Variants in DYM observed in about 807,000 individuals in gnomAD.
The protein encoded by DYM is dyggve-Melchior-Clausen syndrome protein.
Under a neutral mutation model 93.1 loss-of-function variants are expected in DYM, and 78 were observed. The observed-to-expected ratio is 0.84, with a 90% CI of 0.70 to 1.01. DYM has a LOEUF of 1.01. Ranked by LOEUF, DYM falls within the 50% of genes least tolerant of loss-of-function variation. DYM has a pLI of 0.00. For synonymous variants in DYM, 321 were observed against 319.7 expected, an observed-to-expected ratio of 1.00 and a Z score of -0.04; for missense variants, 789 against 845.0, an observed-to-expected ratio of 0.93 and a Z score of 0.82.
chr18:49,317,345 G>C (rs2062008344), intron 8 of DYM, among the ~76,000 whole-genome samples: 1 of 152,150 alleles, frequency 6.6e-6, no homozygotes, highest in Non-Finnish European at 1.5e-5. Flanking sequence ...AGTTAGCAGT[G>C]AATGTGGTGA....
At chr18:49,149,620 G>A (rs2085576445) in intron 15 of DYM, among the ~76,000 whole-genome samples, 1 of 151,746 alleles carries the variant, frequency 6.6e-6, no homozygotes, top group Non-Finnish European at 1.5e-5. Context: ...ACTGGGCAGA[G>A]GACAGTGCCC....
intron 17 of DYM, among the ~76,000 whole-genome samples, chr18:49,051,775 C>T (rs1032237219): frequency 2.0e-5 from 3 of 152,206 alleles, no homozygotes; most frequent in Non-Finnish European, 2.9e-5. Context: ...TGCCCCCGTC[C>T]GTGCTGGCTA....
chr18:49,110,549 G>A, intron 16 of DYM, among the ~76,000 whole-genome samples: 1 of 151,808 alleles, frequency 6.6e-6, no homozygotes, highest in East Asian at 1.9e-4. Flanking sequence ...TGCCTAGCTA[G>A]GTTCTGCCAA....
intron 6 of DYM, among the ~76,000 whole-genome samples, chr18:49,356,286 G>GT (rs2065556995): frequency 3.9e-5 from 6 of 152,066 alleles, no homozygotes; most frequent in South Asian, 2.1e-4. Flanking sequence ...AACAATCTTG[G>GT]TTTTTTACCA....
chr18:49,172,588 A>C (rs932012100), intron 14 of DYM, among the ~76,000 whole-genome samples: 2 of 152,122 alleles, frequency 1.3e-5, no homozygotes, highest in African/African-American at 4.8e-5. Flanking sequence ...CCCATTTAAA[A>C]CAATGGGTTG....
chr18:49,220,747 A>T (rs2144042517), intron 13 of DYM, among the ~76,000 whole-genome samples: 1 of 152,350 alleles, frequency 6.6e-6, no homozygotes, highest in Middle Eastern at 3.4e-3. Flanking sequence ...CTTATACAAA[A>T]ATTAATTCAA....
intron 13 of DYM, among the ~76,000 whole-genome samples, chr18:49,213,449 G>A (rs1225472980): frequency 6.6e-6 from 1 of 152,130 alleles, no homozygotes; most frequent in South Asian, 2.1e-4. Context: ...CTGAATAGCT[G>A]GGACTACAGG....
intron 17 of DYM, among the ~76,000 whole-genome samples, chr18:49,080,651 A>G (rs1174091638): frequency 8.3e-6 from 1 of 121,072 alleles, no homozygotes; most frequent in African/African-American, 3.3e-5. Flanking sequence ...GACCCCCCCC[A>G]CCTCCCTCCC....
At chr18:49,163,209 C>T (rs2087407767) in intron 15 of DYM, among the ~76,000 whole-genome samples, 1 of 152,120 alleles carries the variant, frequency 6.6e-6, no homozygotes. Flanking sequence ...TCATTTACAA[C>T]TTGTTCCCTT....
chr18:49,205,595 T>C (rs1023745707), intron 14 of DYM, among the ~76,000 whole-genome samples: 3 of 152,164 alleles, frequency 2.0e-5, no homozygotes, highest in Non-Finnish European at 4.4e-5. Flanking sequence ...TCCAAGAAGA[T>C]AATAAAAAGA....
chr18:49,170,058 AG>A (rs1568536557), intron 14 of DYM, among the ~76,000 whole-genome samples: 1 of 152,170 alleles, frequency 6.6e-6, no homozygotes, highest in Non-Finnish European at 1.5e-5. Context: ...GTTGAAAGGG[AG>A]GGAGAGCGCT....
intron 8 of DYM, among the ~76,000 whole-genome samples, chr18:49,290,053 T>C (rs900859161): frequency 2.0e-5 from 3 of 151,216 alleles, no homozygotes; most frequent in African/African-American, 7.3e-5. Flanking sequence ...CACATACTCA[T>C]GAGCCCAGCA....
intron 2 of DYM, among the ~76,000 whole-genome samples, chr18:49,423,846 GGAA>G (rs2069336834): frequency 6.6e-6 from 1 of 152,122 alleles, no homozygotes; most frequent in Admixed American, 6.5e-5. Context: ...GACTAAACCA[GGAA>G]GAAGTTGAAT....
chr18:49,262,767 T>A (rs564654469), intron 11 of DYM, among the ~76,000 whole-genome samples: 16 of 152,322 alleles, frequency 1.1e-4, no homozygotes, highest in African/African-American at 3.8e-4. Flanking sequence ...CTTAAGTCAT[T>A]TGAATGTCAC....
At chr18:49,051,071 G>A (rs2072375282) in intron 17 of DYM, among the ~76,000 whole-genome samples, 1 of 152,224 alleles carries the variant, frequency 6.6e-6, no homozygotes, top group Non-Finnish European at 1.5e-5. Flanking sequence ...AGAGCCAGAA[G>A]CTGAAAGAAG....
chr18:49,063,447 G>A (rs545244766), intron 17 of DYM, among the ~76,000 whole-genome samples: 2 of 151,394 alleles, frequency 1.3e-5, no homozygotes, highest in African/African-American at 4.9e-5. Flanking sequence ...ACAGGACTAA[G>A]AAACTAAATG....
At position 49,328,587 on chromosome 18, in the gene DYM, G is replaced by GA. The variant is rs929824971; in HGVS notation, c.763+3276dup. On this transcript the variant is annotated intron_variant, in intron 8 of 17. Coordinates refer to ENST00000675505, the MANE Select transcript of DYM (RefSeq NM_001353214.3). ...ACAAAGAACTTAAACAAATTTACAA[G>GA]AAAAAAAATCAAACAACCCCATCAA... Among the ~76,000 whole-genome samples, 23 of 151,836 alleles carry GA rather than the reference G, an allele frequency of 1.5e-4. No individual in the cohort carries two copies. The South Asian group carries it at 4.0e-3, about 26-fold the overall frequency.
At chr18:49,319,143 T>C (rs1312829208) in intron 8 of DYM, among the ~76,000 whole-genome samples, 2 of 152,200 alleles carry the variant, frequency 1.3e-5, no homozygotes, top group Non-Finnish European at 2.9e-5. Context: ...GAAACATTGT[T>C]GCAAAGCTTT....
At chr18:49,136,245 C>G (rs2083834952) in intron 15 of DYM, among the ~76,000 whole-genome samples, 1 of 152,200 alleles carries the variant, frequency 6.6e-6, no homozygotes, top group African/African-American at 2.4e-5. Context: ...AGAATCCTTA[C>G]TACAGCAAGT....
Sources: gnomAD v4.1 joint callset for allele counts (sites outside exome capture counted in the v4.1 genomes callset) on GRCh38, gnomAD v4.1.1 for gene constraint, MANE v1.5 for transcripts, NCBI Gene and HGNC (gene_info 2026-07-23, HGNC 2026-07-21) for gene names.